INPP4B: variants seen among roughly 807,000 people sequenced by gnomAD.
INPP4B encodes the protein inositol polyphosphate 4-phosphatase type II.
A neutral mutation model predicts 122.5 loss-of-function variants in INPP4B; 55 were observed. The ratio of observed to expected loss-of-function variants is 0.45; its 90% confidence interval spans 0.36 to 0.56. The LOEUF is 0.56. Ranked by LOEUF, INPP4B falls within the 20% of genes least tolerant of loss-of-function variation. The pLI is 0.00. For missense variants in INPP4B, 1,000 were observed against 1,097.7 expected, an observed-to-expected ratio of 0.91 and a Z score of 1.26; for synonymous variants, 403 against 388.7, an observed-to-expected ratio of 1.04 and a Z score of -0.43.
intron 7 of INPP4B, among the ~76,000 whole-genome samples, chr4:142,356,746 G>A (rs1783735503): frequency 6.6e-6 from 1 of 151,758 alleles, no homozygotes; most frequent in Admixed American, 6.6e-5. Flanking sequence ...CTTTTTGGGT[G>A]ATCAGAGGGT....
intron 7 of INPP4B, among the ~76,000 whole-genome samples, chr4:142,391,077 T>C (rs1038122583): frequency 6.6e-6 from 1 of 152,212 alleles, no homozygotes; most frequent in Non-Finnish European, 1.5e-5. Flanking sequence ...AATTATTTAT[T>C]TGAATACCAA....
At chr4:142,359,162 G>T (rs1784573834) in intron 7 of INPP4B, among the ~76,000 whole-genome samples, 1 of 151,386 alleles carries the variant, frequency 6.6e-6, no homozygotes, top group Non-Finnish European at 1.5e-5. Context: ...TCTAGCCACA[G>T]AATTCTTTCT....
intron 2 of INPP4B, among the ~76,000 whole-genome samples, chr4:142,551,905 A>G (rs373513913): frequency 1.3e-5 from 2 of 152,218 alleles, no homozygotes; most frequent in Admixed American, 6.5e-5. Flanking sequence ...CACTAAGGCT[A>G]TATTTTAGTC....
intron 5 of INPP4B, among the ~76,000 whole-genome samples, chr4:142,407,603 C>T (rs1803710316): frequency 6.6e-6 from 1 of 152,114 alleles, no homozygotes; most frequent in Non-Finnish European, 1.5e-5. Flanking sequence ...CATCTAAAAA[C>T]AATACGGTTA....
Position 142,388,836 on chromosome 4 carries a change from T to C in INPP4B, c.372+14102A>G, listed in dbSNP as rs2148958047. Among the ~76,000 whole-genome samples the C allele has an allele frequency of 1.3e-5, 2 of 152,232 alleles. 1 individual carries two copies. Among genetic ancestry groups the C allele is most frequent in the South Asian group, 4.1e-4 (2 of 4,826 alleles). On this transcript the variant is annotated intron_variant, in intron 7 of 25. Coordinates refer to ENST00000262992, the MANE Select transcript of INPP4B (RefSeq NM_001101669.3). Reference sequence around the variant, plus strand: ...GGGGATCCAGGATACAATGTAAAAATGAGGCCCTCAATTTTGCAGATCTAT... The same window carrying C: ...GGGGATCCAGGATACAATGTAAAAACGAGGCCCTCAATTTTGCAGATCTAT...
At chr4:142,251,775 T>C (rs1732203069) in intron 11 of INPP4B, among the ~76,000 whole-genome samples, 2 of 152,192 alleles carry the variant, frequency 1.3e-5, no homozygotes, top group Non-Finnish European at 2.9e-5. Context: ...TCCTTCCCCA[T>C]TCCCTATTGT....
chr4:142,254,867 C>T (rs1423706130), intron 11 of INPP4B, among the ~76,000 whole-genome samples: 3 of 151,852 alleles, frequency 2.0e-5, no homozygotes, highest in Non-Finnish European at 2.9e-5. Context: ...CACAAAGATA[C>T]TCCTCGAGAA....
At chr4:142,370,395 G>A (rs1303489475) in intron 7 of INPP4B, among the ~76,000 whole-genome samples, 1 of 151,974 alleles carries the variant, frequency 6.6e-6, no homozygotes, top group Non-Finnish European at 1.5e-5. Flanking sequence ...AAGTACTTAA[G>A]ACTTTAGATT....
intron 7 of INPP4B, among the ~76,000 whole-genome samples, chr4:142,398,404 ATATATATATATATATATATATATAT>A (rs1800323347): frequency 3.7e-4 from 4 of 10,710 alleles, no homozygotes; most frequent in African/African-American, 1.1e-3. Flanking sequence ...AAAAAAAAAT[ATATATATATATATATATATATATAT>A]ATATATATAT....
At chr4:142,720,783 C>A (rs1447686315) in intron 2 of INPP4B, among the ~76,000 whole-genome samples, 3 of 16,740 alleles carry the variant, frequency 1.8e-4, no homozygotes, top group African/African-American at 4.4e-4. Context: ...CTCTCTCTCT[C>A]TCTCTCTCTC....
intron 2 of INPP4B, among the ~76,000 whole-genome samples, chr4:142,621,232 T>C (rs529720807): frequency 6.6e-6 from 1 of 152,062 alleles, no homozygotes; most frequent in South Asian, 2.1e-4. Flanking sequence ...TGTAAATCCT[T>C]CTTCTTATTA....
chr4:142,738,526 G>C (rs1476124336), intron 1 of INPP4B, among the ~76,000 whole-genome samples: 1 of 151,988 alleles, frequency 6.6e-6, no homozygotes, highest in Admixed American at 6.6e-5. Flanking sequence ...GAGTTAGTGG[G>C]TGCAGCACAC....
chr4:142,732,888 A>G (rs1766308627), intron 1 of INPP4B, among the ~76,000 whole-genome samples: 1 of 152,192 alleles, frequency 6.6e-6, no homozygotes, highest in South Asian at 2.1e-4. Context: ...ACAAAACTAG[A>G]ATTTTTAAAT....
chr4:142,399,461 C>T (rs1800895346), intron 7 of INPP4B, among the ~76,000 whole-genome samples: 1 of 152,106 alleles, frequency 6.6e-6, no homozygotes, highest in African/African-American at 2.4e-5. Context: ...TCCCAAAGTG[C>T]TGGGATTACA....
At chr4:142,040,166 C>T (rs1302565013) in intron 25 of INPP4B, among the ~76,000 whole-genome samples, 4 of 151,960 alleles carry the variant, frequency 2.6e-5, no homozygotes, top group African/African-American at 4.8e-5. Flanking sequence ...ACAGATACAG[C>T]AGTGACAGGA....
chr4:142,818,441 C>CAT (rs3219544), intron 1 of INPP4B, among the ~76,000 whole-genome samples: 1 of 149,234 alleles, frequency 6.7e-6, no homozygotes, highest in East Asian at 2.0e-4. Context: ...GCAATTTAAA[C>CAT]GTGTGTGTGT....
chr4:142,717,831 T>A (rs541381062), intron 2 of INPP4B, among the ~76,000 whole-genome samples: 93 of 147,806 alleles, frequency 6.3e-4, no homozygotes, highest in Non-Finnish European at 1.2e-3. Flanking sequence ...ATGGCACATG[T>A]ATACATATGT....
intron 25 of INPP4B, among the ~76,000 whole-genome samples, chr4:142,059,903 T>C (rs1759684535): frequency 6.6e-6 from 1 of 152,186 alleles, no homozygotes; most frequent in African/African-American, 2.4e-5. Context: ...TTACTGGTAT[T>C]CTGTTCCCTT....
chr4:142,710,574 A>G (rs1443550899), intron 2 of INPP4B, among the ~76,000 whole-genome samples: 1 of 152,214 alleles, frequency 6.6e-6, no homozygotes, highest in Non-Finnish European at 1.5e-5. Flanking sequence ...CACATATAAA[A>G]AGTAGTTTTC....
Sources: allele counts gnomAD v4.1 joint callset (sites outside exome capture counted in the v4.1 genomes callset), GRCh38; gene constraint gnomAD v4.1.1; transcripts MANE v1.5; gene names NCBI Gene and HGNC (gene_info 2026-07-23, HGNC 2026-07-21).